ATP10A: variants seen among roughly 807,000 people sequenced by gnomAD.
ATP10A encodes phospholipid-transporting ATPase VA.
ATP10A carries 111 observed loss-of-function variants against 147.8 expected under a neutral mutation model. That is an observed-to-expected ratio of 0.75 (90% CI 0.64 to 0.88). The LOEUF is 0.88. Among genes scored for constraint, ATP10A ranks in the 40% least tolerant of loss-of-function variants. ATP10A has a pLI of 0.00. For synonymous variants in ATP10A, 875 were observed against 841.6 expected (o/e 1.04, Z -0.69); for missense variants, 1,927 against 1,959.0 (o/e 0.98, Z 0.31).
chr15:25,756,595 A>C (rs906304329), intron 2 of ATP10A, among the ~76,000 whole-genome samples: 1 of 152,122 alleles, frequency 6.6e-6, no homozygotes, highest in Non-Finnish European at 1.5e-5. Context: ...GTCAGCCGAG[A>C]TCCTACCACT....
At chr15:25,798,495 C>T (rs561963541) in intron 1 of ATP10A, among the ~76,000 whole-genome samples, 2 of 152,168 alleles carry the variant, frequency 1.3e-5, no homozygotes, top group African/African-American at 2.4e-5. Flanking sequence ...GGCCGAAGCC[C>T]AGATTCATCT....
At chr15:25,854,777 G>T (rs1328745483) in intron 1 of ATP10A, among the ~76,000 whole-genome samples, 1 of 152,146 alleles carries the variant, frequency 6.6e-6, no homozygotes, top group East Asian at 1.9e-4. Context: ...AAGAAAACAG[G>T]CCGGGCGCAG....
chr15:25,708,338 G>A (rs969273268), intron 10 of ATP10A, 38 bp from the exon 11 acceptor site: 3 of 1,573,758 alleles, frequency 1.9e-6, no homozygotes, highest in South Asian at 1.1e-5. Context: ...GGTAAGAACT[G>A]GCGCCTGTGG....
intron 16 of ATP10A, 43 bp from the exon 17 acceptor site, chr15:25,683,529 C>T: frequency 6.4e-7 from 1 of 1,555,766 alleles, no homozygotes; most frequent in Non-Finnish European, 8.8e-7. Context: ...GAGTCTTCAG[C>T]CATTGCTGAG....
At chr15:25,757,500 G>C (rs1195249303) in intron 2 of ATP10A, among the ~76,000 whole-genome samples, 1 of 151,940 alleles carries the variant, frequency 6.6e-6, no homozygotes, top group Non-Finnish European at 1.5e-5. Flanking sequence ...TTAAAAAAGA[G>C]CAATTCTATC....
intron 2 of ATP10A, among the ~76,000 whole-genome samples, chr15:25,768,807 G>T (rs921915929): frequency 6.0e-5 from 9 of 150,948 alleles, no homozygotes; most frequent in African/African-American, 9.8e-5. Flanking sequence ...GGGATTCCAG[G>T]TGTAAACCAC....
intron 1 of ATP10A, among the ~76,000 whole-genome samples, chr15:25,794,624 C>T (rs1890580172): frequency 1.3e-5 from 2 of 152,202 alleles, no homozygotes; most frequent in South Asian, 2.1e-4. Flanking sequence ...TTGTGAATCC[C>T]GGCTTGGAAG....
chr15:25,850,701 A>C (rs1409745147), intron 1 of ATP10A, among the ~76,000 whole-genome samples: 5 of 86,212 alleles, frequency 5.8e-5, no homozygotes, highest in African/African-American at 1.4e-4. Context: ...CACGCCCACC[A>C]CCCCCCAAGA....
At chr15:25,743,252 A>C (rs1163996448) in intron 2 of ATP10A, among the ~76,000 whole-genome samples, 3 of 152,314 alleles carry the variant, frequency 2.0e-5, no homozygotes, top group African/African-American at 7.2e-5. Flanking sequence ...TAATCTGGGG[A>C]ATGATTCCAA....
At chr15:25,776,935 C>G (rs113129422) in intron 2 of ATP10A, among the ~76,000 whole-genome samples, 2,349 of 152,230 alleles carry the variant, frequency 0.015, 63 homozygotes, top group African/African-American at 0.054. Context: ...CTCCCTTGAC[C>G]TCTCATGGCC....
rs58243465 is a variant in ATP10A, at chr15:25,855,061, C to CAAAAAA, written c.449+7581_449+7586dup. Among the ~76,000 whole-genome samples the CAAAAAA allele has an allele frequency of 7.2e-3, 476 of 65,966 alleles. 8 individuals carry two copies. The highest frequency in any genetic ancestry group is 0.019 in the African/African-American group (461 of 24,378). The allele number at this position is 65,966 out of a possible 152,430, so 43.3% of individuals were successfully genotyped here. A position where few individuals can be genotyped will look rare whatever the true frequency, so the allele number is the denominator to read the frequency against. ...GCAACAAGAGTGAAACTCCGTCTCA[C>CAAAAAA]AAAAAAAAAAAAAAAACAGAAAAAA... On this transcript the variant is annotated intron_variant, in intron 1 of 20. Transcript: ENST00000555815.
At chr15:25,787,016 A>G (rs1307525930) in intron 1 of ATP10A, among the ~76,000 whole-genome samples, 2 of 152,050 alleles carry the variant, frequency 1.3e-5, no homozygotes, top group Non-Finnish European at 2.9e-5. Context: ...AGGCCTGCAC[A>G]GAACATTTCA....
intron 3 of ATP10A, among the ~76,000 whole-genome samples, chr15:25,728,095 G>T (rs1012962469): frequency 6.6e-6 from 1 of 152,162 alleles, no homozygotes; most frequent in Non-Finnish European, 1.5e-5. Flanking sequence ...AGTGCCTTCC[G>T]AGAGGCTACC....
intron 1 of ATP10A, among the ~76,000 whole-genome samples, chr15:25,812,073 G>A (rs946367983): frequency 1.3e-5 from 2 of 152,348 alleles, no homozygotes; most frequent in African/African-American, 4.8e-5. Context: ...AAAATGGAGT[G>A]AACGTTTATA....
At position 25,714,164 on chromosome 15, in the gene ATP10A, C is replaced by A; in HGVS notation, c.1854G>T (p.Leu618=). ...TCCCGATGCTGCTGCAGCCTGAGGT[C>A]AGGCAGCTGGGTGTGAACCTCCGCA... The part of the protein sequence containing the change: ...DFLRRFTPSC[L]TSGCSSIGSL... Residue 618 remains leucine (L), a synonymous_variant, in exon 10 of 21, where the codon CTG becomes CTT. Transcript: ENST00000555815. The A allele has an allele frequency of 6.2e-7, 1 of 1,609,950 alleles. No homozygotes were observed. Among genetic ancestry groups the A allele is most frequent in the Non-Finnish European group, 8.5e-7 (1 of 1,180,024 alleles).
At position 25,713,800 on chromosome 15, in the gene ATP10A, G is replaced by A; in HGVS notation, c.2218C>T (p.Leu740=). 1.9e-6 allele frequency: 3 copies of A among 1,614,124 alleles called. No homozygotes were observed. The highest frequency in any genetic ancestry group is 2.5e-6 in the Non-Finnish European group (3 of 1,180,034). ...CTCTTGCGGACGGAATCGAAACCCA[G>A]TGTGTGCAGGAGCTCGAAGGTGAGC... ...GRLTFELLHT[L]GFDSVRKRMS... The change falls in exon 10 of 21, where the codon CTG becomes TTG. Residue 740 remains leucine, a synonymous_variant. Coordinates refer to ENST00000555815, the MANE Select transcript of ATP10A (RefSeq NM_024490.4).
At chr15:25,769,657 T>C (rs1889234058) in intron 2 of ATP10A, among the ~76,000 whole-genome samples, 1 of 152,112 alleles carries the variant, frequency 6.6e-6, no homozygotes, top group South Asian at 2.1e-4. Flanking sequence ...TGAGAAAGCA[T>C]TTCCTCTTCC....
chr15:25,791,821 G>A (rs1347954373), intron 1 of ATP10A, among the ~76,000 whole-genome samples: 8 of 152,110 alleles, frequency 5.3e-5, no homozygotes, highest in Middle Eastern at 3.4e-3. Context: ...ATGGTTTGTC[G>A]GTTTTAACAT....
At chr15:25,785,512 A>G (rs1483025501) in intron 1 of ATP10A, among the ~76,000 whole-genome samples, 2 of 152,202 alleles carry the variant, frequency 1.3e-5, no homozygotes, top group South Asian at 4.1e-4. Context: ...ACACTTAATA[A>G]CGTCCATTCT....
Sources: allele counts gnomAD v4.1 joint callset (sites outside exome capture counted in the v4.1 genomes callset), GRCh38; gene constraint gnomAD v4.1.1; transcripts MANE v1.5; gene names NCBI Gene and HGNC (gene_info 2026-07-23, HGNC 2026-07-21).